Variants in SLC26A8 observed in about 807,000 individuals in gnomAD.
SLC26A8 encodes testis anion transporter 1.
A neutral mutation model predicts 105.0 loss-of-function variants in SLC26A8; 70 were observed. That is an observed-to-expected ratio of 0.67 (90% CI 0.55 to 0.81). The LOEUF (loss-of-function observed/expected upper bound fraction) is 0.81, where lower values mean the gene tolerates loss of function less well. Ranked by LOEUF, SLC26A8 falls within the 40% of genes least tolerant of loss-of-function variation. The pLI, the probability that SLC26A8 is intolerant of heterozygous loss-of-function variation, is 0.00. For missense variants in SLC26A8, 998 were observed against 1,181.8 expected (o/e 0.84, Z 2.28); for synonymous variants, 415 against 438.3 (o/e 0.95, Z 0.66).
At chr6:35,984,825 G>A (rs1202482760) in intron 7 of SLC26A8, among the ~76,000 whole-genome samples, 1 of 152,166 alleles carries the variant, frequency 6.6e-6, no homozygotes, top group African/African-American at 2.4e-5. Context: ...AGGGAATTCC[G>A]AAGTTAACCT....
chr6:35,988,389 G>T (rs10947581), intron 7 of SLC26A8, among the ~76,000 whole-genome samples: 85,431 of 152,034 alleles, frequency 0.56, 24,363 homozygotes, highest in South Asian at 0.71. Flanking sequence ...ATCCTGGCAC[G>T]TTGGGACACT....
chr6:35,989,076 G>A (rs1184304887), intron 7 of SLC26A8, among the ~76,000 whole-genome samples: 6 of 151,912 alleles, frequency 3.9e-5, no homozygotes, highest in African/African-American at 1.2e-4. Context: ...TCCTAACCTC[G>A]TGATCCACCC....
chr6:35,975,587 G>T, intron 9 of SLC26A8, 99 bp from the exon 10 acceptor site: 1 of 639,740 alleles, frequency 1.6e-6, no homozygotes, highest in Non-Finnish European at 2.7e-6. Context: ...ATGAAGATAG[G>T]GTTGTTTGCA....
Position 36,012,345 on chromosome 6 carries a change from G to A in SLC26A8, c.216C>T (p.Cys72=). 6 of 1,600,888 alleles carry A rather than the reference G, an allele frequency of 3.7e-6. No homozygotes were observed. Among genetic ancestry groups the A allele is most frequent in the South Asian group, 1.1e-5 (1 of 88,658 alleles). ...CTAGGAAGGGAAAGATTGTAAGCAC[G>A]CATCGTAGGAACCTGTGCCATGAGC... The part of the protein sequence containing the change: ...CRCSWHRFLR[C]VLTIFPFLEW... Residue 72 remains cysteine, a synonymous_variant, in exon 3 of 20, where the codon TGC becomes TGT. Coordinates refer to ENST00000490799, the MANE Select transcript of SLC26A8 (RefSeq NM_052961.4).
chr6:35,956,942 A>T (rs995453108), intron 16 of SLC26A8, among the ~76,000 whole-genome samples: 19 of 149,322 alleles, frequency 1.3e-4, no homozygotes, highest in Admixed American at 2.0e-4. Flanking sequence ...AAAAAACAAA[A>T]GCTGGGGGTG....
intron 2 of SLC26A8, among the ~76,000 whole-genome samples, chr6:36,014,742 T>C (rs1220040044): frequency 1.3e-5 from 2 of 152,106 alleles, no homozygotes; most frequent in Non-Finnish European, 2.9e-5. Context: ...AAACGAGGTC[T>C]GTAGTCCCAG....
chr6:35,953,870 CA>C (rs1183696227), intron 17 of SLC26A8, among the ~76,000 whole-genome samples: 3 of 152,134 alleles, frequency 2.0e-5, no homozygotes, highest in Non-Finnish European at 4.4e-5. Context: ...TGCCCCAGAC[CA>C]AAGAGAAGCT....
intron 7 of SLC26A8, among the ~76,000 whole-genome samples, chr6:35,990,909 AC>A (rs1407696651): frequency 5.9e-5 from 9 of 152,150 alleles, no homozygotes; most frequent in African/African-American, 9.7e-5. Flanking sequence ...GGAAAAAAAA[AC>A]CTTATCCTTG....
chr6:35,982,096 A>C lies in SLC26A8; in HGVS notation c.1025+25T>G, dbSNP rs183085865. ...GAGAGGGTATCAGAAAGAGAAAAGC[A>C]ATCTTGAAAAGTGGAATTACTGACC... On this transcript the variant is annotated intron_variant, in intron 8 of 19. Transcript: ENST00000490799. 640 of 1,610,626 alleles carry C rather than the reference A, an allele frequency of 4.0e-4. 6 individuals are homozygous for C. The highest frequency in any genetic ancestry group is 3.6e-3 in the South Asian group (326 of 90,994).
intron 2 of SLC26A8, among the ~76,000 whole-genome samples, chr6:36,017,275 A>C (rs2127374857): frequency 6.6e-6 from 1 of 152,310 alleles, no homozygotes; most frequent in South Asian, 2.1e-4. Flanking sequence ...AGTTTCTTAA[A>C]TATGGCACCA....
At chr6:36,001,288 C>A (rs1761514538) in intron 3 of SLC26A8, among the ~76,000 whole-genome samples, 1 of 152,084 alleles carries the variant, frequency 6.6e-6, no homozygotes, top group Non-Finnish European at 1.5e-5. Flanking sequence ...ACCACCATGC[C>A]CGGCTAATTT....
In SLC26A8 at chr6:35,975,449, A is replaced by G; in HGVS notation, c.1213T>C (p.Phe405Leu). 1 of 1,613,892 alleles carries G rather than the reference A, an allele frequency of 6.2e-7. No homozygotes were observed. Among genetic ancestry groups the G allele is most frequent in the Non-Finnish European group, 8.5e-7 (1 of 1,179,866 alleles). ...AIGLCNVVSS[F>L]FRSCVFTGAI... Reference sequence around the variant, plus strand: ...CCAGTAAACACACAAGATCTGAAAAATGAACTGACGACATTGCAAAGGCCG... The same window carrying G: ...CCAGTAAACACACAAGATCTGAAAAGTGAACTGACGACATTGCAAAGGCCG... Residue 405 changes from phenylalanine to leucine, a missense_variant, in exon 10 of 20, where the codon TTT becomes CTT. Phe to Leu is a conservative substitution (Grantham distance 22). Transcript: ENST00000490799.
chr6:35,953,013 C>CAAA lies in SLC26A8; in HGVS notation c.2233-1517_2233-1515dup, dbSNP rs11364963. 4.9e-4 allele frequency among the ~76,000 whole-genome samples: 31 copies of CAAA among 63,656 alleles called. 1 individual carries two copies. Among genetic ancestry groups the CAAA allele is most frequent in the East Asian group, 1.4e-3 (3 of 2,106 alleles). 41.8% of individuals were successfully genotyped at this position (63,656 alleles called of 152,430 possible). A position where few individuals can be genotyped will look rare whatever the true frequency, so the allele number is the denominator to read the frequency against. ...TGGGCGACACAGCAAGATGCTGTCT[C>CAAA]AAAAAAAAAAAAAAAAAAAAAAAAT... On this transcript the variant is annotated intron_variant, in intron 17 of 19. Coordinates refer to ENST00000490799, the MANE Select transcript of SLC26A8 (RefSeq NM_052961.4).
At chr6:35,987,497 G>A (rs1385028921) in intron 7 of SLC26A8, among the ~76,000 whole-genome samples, 3 of 152,072 alleles carry the variant, frequency 2.0e-5, no homozygotes, top group East Asian at 3.9e-4. Context: ...TCAGCCTCCC[G>A]AGTAGCTGGG....
At chr6:36,019,446 C>T (rs550468872) in intron 2 of SLC26A8, 74 bp downstream of exon 2, 84 of 1,418,584 alleles carry the variant, frequency 5.9e-5, no homozygotes, top group Non-Finnish European at 7.0e-5. Context: ...GAAAGAGAAA[C>T]GGACCCCAAA....
Position 35,951,467 on chromosome 6 carries a change from C to T in SLC26A8, c.2265G>A (p.Leu755=), listed in dbSNP as rs780590188. The part of the protein sequence containing the change: ...ICNAFQNANI[L]ILIAGCHSSI... ...CACAGTGACACCCTGCAATGAGTAT[C>T]AAAATGTTGGCGTTTTGAAAGGCAT... The change falls in exon 18 of 20, where the codon TTG becomes TTA. Residue 755 remains leucine, a synonymous_variant. Coordinates refer to ENST00000490799, the MANE Select transcript of SLC26A8 (RefSeq NM_052961.4). The T allele has an allele frequency of 7.4e-6, 12 of 1,614,000 alleles. No individual in the cohort carries two copies. The highest frequency in any genetic ancestry group is 9.3e-6 in the Non-Finnish European group (11 of 1,180,034).
chr6:36,009,151 T>C (rs1203285072), intron 3 of SLC26A8, among the ~76,000 whole-genome samples: 3 of 152,154 alleles, frequency 2.0e-5, no homozygotes, highest in Admixed American at 6.5e-5. Context: ...CAGGAGTTTA[T>C]GACCAGCCTG....
chr6:35,944,261 T>A lies in SLC26A8; in HGVS notation c.2552A>T (p.Gln851Leu). 1 of 1,614,158 alleles carries A rather than the reference T, an allele frequency of 6.2e-7. No individual in the cohort carries two copies. The highest frequency in any genetic ancestry group is 8.5e-7 in the Non-Finnish European group (1 of 1,180,026). The change falls in exon 20 of 20, where the codon CAA becomes CTA. Residue 851 changes from glutamine (Q) to leucine (L), a missense_variant. By Grantham distance (113) the Gln-to-Leu change is moderately radical. Transcript: ENST00000490799. ...KNVSPGFIKI[Q>L]QPVEEESELD... ...CTCCGACTCCTCTTCTACAGGCTGT[T>A]GGATCTTGATGAAGCCTGGACTTAC... is the stretch of plus-strand genomic sequence containing the variant.
chr6:35,993,184 A>C (rs1761230395), intron 5 of SLC26A8, among the ~76,000 whole-genome samples: 1 of 19,084 alleles, frequency 5.2e-5, no homozygotes, highest in African/African-American at 1.2e-4. Context: ...TTTGATAGAG[A>C]TTGGAGGGGG....
Sources: allele counts gnomAD v4.1 joint callset (sites outside exome capture counted in the v4.1 genomes callset), GRCh38; gene constraint gnomAD v4.1.1; transcripts MANE v1.5; gene names NCBI Gene and HGNC (gene_info 2026-07-23, HGNC 2026-07-21).